The following CLSPN variants were observed in gnomAD, a reference collection of about 807,000 sequenced individuals.
The protein encoded by CLSPN is claspin.
A neutral mutation model predicts 156.3 loss-of-function variants in CLSPN; 85 were observed. That is an observed-to-expected ratio of 0.54 (90% confidence interval 0.46 to 0.65). The LOEUF (loss-of-function observed/expected upper bound fraction) is 0.65. CLSPN is among the 30% of genes least tolerant of loss of function. The pLI, the probability that CLSPN is intolerant of heterozygous loss-of-function variation, is 0.00. For synonymous variants in CLSPN, 534 were observed against 542.4 expected, an observed-to-expected ratio of 0.98 and a Z score of 0.22; for missense variants, 1,407 against 1,554.9, an observed-to-expected ratio of 0.90 and a Z score of 1.60.
chr1:35,748,045 G>A lies in CLSPN; in HGVS notation c.2489C>T (p.Ser830Phe), dbSNP rs771409861. Reference sequence around the variant, plus strand: ...ATCCTCTATGGGAAGTGAAGGCTCAGACAGTTTCCCTGAACTCTGGCACAC... The same window carrying A: ...ATCCTCTATGGGAAGTGAAGGCTCAAACAGTTTCCCTGAACTCTGGCACAC... The part of the protein sequence containing the change: ...SSASKSSGKL[S>F]EPSLPIEDSQ... The change falls in exon 14 of 25, where the codon TCT (serine) becomes TTT (phenylalanine). Residue 830 changes from serine to phenylalanine, a missense_variant. Physicochemically the swap from Ser to Phe is radical, Grantham distance 155. Around this residue, in one of 3 missense-constraint regions of CLSPN, gnomAD observed 1,096 missense variants for 1,193.0 expected, o/e 0.92. Coordinates refer to ENST00000318121, the MANE Select transcript of CLSPN (RefSeq NM_022111.4). 6.2e-7 allele frequency: 1 copy of A among 1,610,796 alleles called. No homozygotes were observed. The highest frequency in any genetic ancestry group is 8.5e-7 in the Non-Finnish European group (1 of 1,179,154).
At chr1:35,763,000 T>C (rs1294218126) in intron 4 of CLSPN, among the ~76,000 whole-genome samples, 160 bp downstream of exon 4, 1 of 152,160 alleles carries the variant, frequency 6.6e-6, no homozygotes, top group Non-Finnish European at 1.5e-5. Context: ...GTCTATCACT[T>C]GTACTGCAAG....
downstream of CLSPN, among the ~76,000 whole-genome samples, chr1:35,731,891 C>T (rs1254378437): frequency 6.6e-6 from 1 of 152,146 alleles, no homozygotes; most frequent in African/African-American, 2.4e-5. Flanking sequence ...AAACAATGGG[C>T]CTTTCAGAAG....
At position 35,751,432 on chromosome 1, in the gene CLSPN, G is replaced by A. The variant is rs1158360707; in HGVS notation, c.1846C>T (p.Arg616Cys). The A allele has an allele frequency of 4.3e-6, 7 of 1,613,760 alleles. No individual in the cohort carries two copies. Among genetic ancestry groups the A allele is most frequent in the African/African-American group, 4.0e-5 (3 of 74,836 alleles). Reference protein sequence around the residue: ...KLRRFEERQKRQALFKLDNED... With the variant: ...KLRRFEERQKCQALFKLDNED... ...TTATCTAATTTAAACAGTGCTTGGC[G>A]CTTCTGGCGCTCCTCAAACCTTCGG... The change falls in exon 10 of 25, where the codon CGC (arginine) becomes TGC (cysteine). Residue 616 changes from arginine to cysteine, a missense_variant. Arg to Cys is a radical substitution (Grantham distance 180). Coordinates refer to ENST00000318121, the MANE Select transcript of CLSPN (RefSeq NM_022111.4).
In CLSPN at chr1:35,732,758, T is replaced by C. The variant is rs1641348451; in HGVS notation, c.*3738A>G. The C allele has an allele frequency of 1.0e-6, 1 of 985,270 alleles. No homozygotes were observed. Among genetic ancestry groups the C allele is most frequent in the South Asian group, 4.7e-5 (1 of 21,288 alleles). The allele number at this position is 985,270 out of a possible 1,614,324, so 61.0% of individuals were successfully genotyped here. ...CTGGGGCTTCAATTTCATTAAAACA[T>C]AACTGATGCTGCTGGCTCAGTGCTT... On this transcript the variant is annotated 3_prime_UTR_variant, in exon 25 of 25. Coordinates refer to ENST00000318121, the MANE Select transcript of CLSPN (RefSeq NM_022111.4).
rs1641889369 is a variant in CLSPN at position 35,746,598 on chromosome 1, A to C, written c.2854+168T>G. Among the ~76,000 whole-genome samples, 1 of 145,392 alleles carries C rather than the reference A, an allele frequency of 6.9e-6. No individual in the cohort carries two copies. The highest frequency in any genetic ancestry group is 2.2e-4 in the South Asian group (1 of 4,600). Reference sequence around the variant, plus strand: ...TTTTTCGTAGAGATGGGGATTTGCCATGTTGCCCAGGCTGGTCTCAAACTT... The same window carrying C: ...TTTTTCGTAGAGATGGGGATTTGCCCTGTTGCCCAGGCTGGTCTCAAACTT... On this transcript the variant is annotated intron_variant, in intron 15 of 24. Transcript: ENST00000318121. The surrounding 1 kb of genome is among the most constrained non-coding windows in gnomAD (Gnocchi z 4.2).
At chr1:35,737,549 A>G (rs1194521199) in intron 22 of CLSPN, 128 bp from the exon 23 acceptor site, 1 of 660,138 alleles carries the variant, frequency 1.5e-6, no homozygotes, top group Non-Finnish European at 2.6e-6. Flanking sequence ...GTTCTATATA[A>G]TGGTGACTTT....
intron 8 of CLSPN, among the ~76,000 whole-genome samples, chr1:35,757,345 CATGA>C (rs950094905): frequency 1.3e-5 from 2 of 152,158 alleles, no homozygotes; most frequent in Non-Finnish European, 2.9e-5. Flanking sequence ...AAGTTTATTG[CATGA>C]ATGAATGAAT....
intron 8 of CLSPN, among the ~76,000 whole-genome samples, chr1:35,754,647 A>G (rs1420143308): frequency 1.3e-5 from 2 of 152,174 alleles, no homozygotes; most frequent in African/African-American, 4.8e-5. Flanking sequence ...ATGTTTCATT[A>G]TTGGCAATCT....
intron 1 of CLSPN, among the ~76,000 whole-genome samples, chr1:35,765,994 C>CTCTTTTTTTT (rs60908491): frequency 2.8e-5 from 3 of 106,484 alleles, no homozygotes; most frequent in African/African-American, 3.7e-5. Flanking sequence ...CTCTCTCTCT[C>CTCTTTTTTTT]TTTTTTTTTT....
At position 35,734,937 on chromosome 1, in the gene CLSPN, G is replaced by C. The variant is rs1167706503; in HGVS notation, c.*1559C>G. The C allele has an allele frequency of 1.0e-6, 1 of 985,276 alleles. No individual in the cohort carries two copies. The highest frequency in any genetic ancestry group is 1.2e-6 in the Non-Finnish European group (1 of 829,916). 61.0% of individuals were successfully genotyped at this position (985,276 alleles called of 1,614,324 possible). ...TGTCTAAAATTCTGAGAAGCTTGTG[G>C]TAGTTCAGGGAAAATGGAGAATGAT... On this transcript the variant is annotated 3_prime_UTR_variant, in exon 25 of 25. Transcript: ENST00000318121.
At position 35,736,278 on chromosome 1, in the gene CLSPN, A is replaced by G. The variant is rs1406269778; in HGVS notation, c.*218T>C. On this transcript the variant is annotated 3_prime_UTR_variant, in exon 25 of 25. Transcript: ENST00000318121. ...ATTCCATGAGTTGTTGATGTTGTAA[A>G]TACTGCAGAATTGAAATCAGTGGCC... The G allele has an allele frequency of 1.6e-5, 19 of 1,185,184 alleles. No homozygotes were observed. Among genetic ancestry groups the G allele is most frequent in the Admixed American group, 4.5e-5 (1 of 22,172 alleles). 73.4% of individuals were successfully genotyped at this position (1,185,184 alleles called of 1,614,324 possible).
At chr1:35,750,152 T>G (rs1246487520) in intron 10 of CLSPN, among the ~76,000 whole-genome samples, 9 of 152,130 alleles carry the variant, frequency 5.9e-5, no homozygotes, top group Non-Finnish European at 1.3e-4. Flanking sequence ...TGAGACAGGC[T>G]GTATAGCTCA....
Position 35,736,592 on chromosome 1 carries a change from A to G in CLSPN, c.3924T>C (p.Gly1308=). 6.2e-7 allele frequency: 1 copy of G among 1,611,014 alleles called. No homozygotes were observed. The highest frequency in any genetic ancestry group is 8.5e-7 in the Non-Finnish European group (1 of 1,178,920). The change falls in exon 25 of 25, where the codon GGT becomes GGC. Residue 1308 remains glycine, a synonymous_variant. Transcript: ENST00000318121. ...GTGAAGGAGAAGTCATGAAAGATGG[A>G]CCCCTTTTCTTTACCTAGAGAGCAG... ...ESSKSQVKKR[G]PSFMTSPSPK... is the part of the protein sequence containing the mutation.
intron 18 of CLSPN, among the ~76,000 whole-genome samples, chr1:35,740,376 C>G (rs189686101): frequency 6.6e-6 from 1 of 151,802 alleles, no homozygotes; most frequent in African/African-American, 2.4e-5. Context: ...AGTTTGGTGG[C>G]TTTCTGAAAA....
chr1:35,728,072 A>G (rs1571183299), downstream of CLSPN, among the ~76,000 whole-genome samples: 1 of 133,834 alleles, frequency 7.5e-6, no homozygotes, highest in Non-Finnish European at 1.6e-5. Flanking sequence ...TAACAAAACC[A>G]CAAGCTTTTT....
At chr1:35,748,818 T>TTC (rs1557511628) in intron 12 of CLSPN, 1 of 446,594 alleles carries the variant, frequency 2.2e-6, no homozygotes, top group African/African-American at 2.4e-5. Context: ...CACTTGAAAG[T>TTC]TCTTTTTTTT....
chr1:35,743,211 C>CCAGATCATTACCAGAGT lies in CLSPN; in HGVS notation c.3056_3072dup (p.Ala1025ThrfsTer20). 3 of 1,613,992 alleles carry CCAGATCATTACCAGAGT rather than the reference C, an allele frequency of 1.9e-6. No individual in the cohort carries two copies. The highest frequency in any genetic ancestry group is 1.7e-6 in the Non-Finnish European group (2 of 1,179,860). ...TCATCATCTTCATGGTCTTCCAGTG[C>CCAGATCATTACCAGAGT]CAGATCATTACCAGAGTCACTGTGT... On this transcript the variant is annotated frameshift_variant, in exon 18 of 25. Transcript: ENST00000318121. LOFTEE classifies it high-confidence loss of function.
At chr1:35,765,707 C>T (rs754694483) in intron 1 of CLSPN, among the ~76,000 whole-genome samples, 1 of 152,076 alleles carries the variant, frequency 6.6e-6, no homozygotes, top group East Asian at 1.9e-4. Context: ...ATTTTATCAA[C>T]CCTCAATTAA....
chr1:35,738,795 GT>G (rs1641577232), intron 20 of CLSPN, among the ~76,000 whole-genome samples: 1 of 130,056 alleles, frequency 7.7e-6, no homozygotes, highest in Non-Finnish European at 1.6e-5. Flanking sequence ...CATTGTAACT[GT>G]TTGCTTTTTT....
Sources: allele counts gnomAD v4.1 joint callset (sites outside exome capture counted in the v4.1 genomes callset), GRCh38; gene constraint gnomAD v4.1.1; regional missense constraint gnomAD v4.1.1; non-coding constraint Gnocchi (gnomAD v3.1); transcripts MANE v1.5; gene names NCBI Gene and HGNC (gene_info 2026-07-23, HGNC 2026-07-21).